FA2H: variants seen among roughly 807,000 people sequenced by gnomAD.
FA2H encodes the protein fatty acid alpha-hydroxylase.
A neutral mutation model predicts 44.9 loss-of-function variants in FA2H; 22 were observed. The ratio of observed to expected loss-of-function variants is 0.49; its 90% CI spans 0.35 to 0.70. FA2H has a LOEUF of 0.70. Among genes scored for constraint, FA2H ranks in the 30% least tolerant of loss-of-function variants. FA2H has a pLI of 0.01. For missense variants in FA2H, 501 were observed against 504.9 expected (o/e 0.99, Z 0.07); for synonymous variants, 243 against 213.2 (o/e 1.14, Z -1.22).
chr16:74,749,159 C>A (rs539264982), intron 1 of FA2H, among the ~76,000 whole-genome samples: 10 of 152,326 alleles, frequency 6.6e-5, no homozygotes, highest in Admixed American at 5.9e-4. Context: ...CAGTCCCCTT[C>A]GAGCTGGTTG....
chr16:74,743,432 G>T (rs949287271), intron 1 of FA2H, among the ~76,000 whole-genome samples: 1 of 152,218 alleles, frequency 6.6e-6, no homozygotes, highest in African/African-American at 2.4e-5. Context: ...TGAAGAAACC[G>T]GAGGAGTCCC....
chr16:74,740,620 A>AAATAATAATAATAAT (rs71378704), intron 1 of FA2H, among the ~76,000 whole-genome samples: 27 of 135,376 alleles, frequency 2.0e-4, no homozygotes, highest in East Asian at 8.7e-4. Context: ...CTCCATCTCA[A>AAATAATAATAATAAT]AATAATAATA....
chr16:74,729,633 G>A (rs1597548757), intron 2 of FA2H, among the ~76,000 whole-genome samples: 1 of 152,314 alleles, frequency 6.6e-6, no homozygotes, highest in Admixed American at 6.5e-5. Context: ...AAGCCCTTGA[G>A]GATTTCTGAC....
chr16:74,745,667 G>A (rs891122058), intron 1 of FA2H, among the ~76,000 whole-genome samples: 5 of 152,188 alleles, frequency 3.3e-5, no homozygotes, highest in Non-Finnish European at 7.3e-5. Flanking sequence ...CCACACAGGA[G>A]AGAAGCCTTT....
At chr16:74,731,669 C>T (rs1218141524) in intron 2 of FA2H, among the ~76,000 whole-genome samples, 4 of 151,238 alleles carry the variant, frequency 2.6e-5, no homozygotes, top group East Asian at 4.0e-4. Context: ...TACAGGTGGG[C>T]GCCACCACAC....
intron 1 of FA2H, among the ~76,000 whole-genome samples, chr16:74,760,991 C>G (rs1193311929): frequency 6.6e-6 from 1 of 152,080 alleles, no homozygotes; most frequent in Non-Finnish European, 1.5e-5. Context: ...TCAGGAAAGA[C>G]AGAGAATGGA....
intron 4 of FA2H, among the ~76,000 whole-genome samples, chr16:74,720,111 T>G (rs1035545068): frequency 4.3e-5 from 6 of 140,834 alleles, no homozygotes; most frequent in Admixed American, 2.2e-4. Flanking sequence ...TTCCTCCACC[T>G]CATTCATTCT....
At chr16:74,741,855 T>G (rs1962317101) in intron 1 of FA2H, among the ~76,000 whole-genome samples, 1 of 143,772 alleles carries the variant, frequency 7.0e-6, no homozygotes, top group Admixed American at 7.0e-5. Flanking sequence ...TGTATGTGTG[T>G]ATGTGTGTGT....
At chr16:74,755,938 C>T (rs1962603871) in intron 1 of FA2H, among the ~76,000 whole-genome samples, 1 of 152,268 alleles carries the variant, frequency 6.6e-6, no homozygotes, top group South Asian at 2.1e-4. Context: ...ACAGCCAATG[C>T]CCAAATCAAG....
chr16:74,738,847 C>T (rs758863723), intron 2 of FA2H, among the ~76,000 whole-genome samples: 6 of 152,246 alleles, frequency 3.9e-5, no homozygotes, highest in South Asian at 2.1e-4. Flanking sequence ...GCTGCATGGC[C>T]GGGCAGCCTT....
chr16:74,718,365 C>T (rs887450002), intron 5 of FA2H, among the ~76,000 whole-genome samples: 4 of 152,042 alleles, frequency 2.6e-5, no homozygotes, highest in African/African-American at 9.7e-5. Context: ...AGAGAAGCAG[C>T]GGGGGGTACA....
intron 1 of FA2H, among the ~76,000 whole-genome samples, chr16:74,749,288 G>A (rs991317271): frequency 4.6e-5 from 7 of 152,220 alleles, no homozygotes; most frequent in Admixed American, 4.6e-4. Flanking sequence ...CAGGAGCTGA[G>A]CTCTGGATGC....
intron 4 of FA2H, among the ~76,000 whole-genome samples, chr16:74,723,477 C>G (rs1027054599): frequency 6.6e-6 from 1 of 152,202 alleles, no homozygotes; most frequent in Admixed American, 6.5e-5. Flanking sequence ...TGGTTGTCCA[C>G]AGTCCCCACC....
At chr16:74,721,197 C>T (rs1176896876) in intron 4 of FA2H, among the ~76,000 whole-genome samples, 1 of 151,862 alleles carries the variant, frequency 6.6e-6, no homozygotes, top group Non-Finnish European at 1.5e-5. Context: ...GGCAGAGTTT[C>T]GCTCTTGTCA....
Position 74,727,289 on chromosome 16 carries a change from C to T in FA2H, c.461G>A (p.Arg154His), listed in dbSNP as rs1204169977. Residue 154 changes from arginine (R) to histidine (H), a missense_variant, in exon 3 of 7, where the codon CGC (arginine) becomes CAC (histidine). By Grantham distance (29) the Arg-to-His change is conservative. Transcript: ENST00000219368. ...WVHQPVTRPI[R>H]LFHSDLIEGL... ...CTCAATGAGGTCTGAGTGGAAGAGG[C>T]GGATGGGCCTGGTCACCGGCTGGTG... 5 of 1,614,132 alleles carry T rather than the reference C, an allele frequency of 3.1e-6. No homozygotes were observed. Among genetic ancestry groups the T allele is most frequent in the South Asian group, 2.2e-5 (2 of 91,084 alleles).
chr16:74,758,850 C>T (rs1431239472), intron 1 of FA2H, among the ~76,000 whole-genome samples: 1 of 152,254 alleles, frequency 6.6e-6, no homozygotes, highest in East Asian at 1.9e-4. Flanking sequence ...CTTCCCAGCC[C>T]TTTCAGCAGG....
rs1961629846 is a variant in FA2H, at chr16:74,713,803, AGGCAG to A, written c.*382_*386del. On this transcript the variant is annotated 3_prime_UTR_variant, in exon 7 of 7. Coordinates refer to ENST00000219368, the MANE Select transcript of FA2H (RefSeq NM_024306.5). ...ACTGTGAAAGCGAGCTGTGCCGTGC[AGGCAG>A]CTCCTAGGCAGCCCATGAGGCTAAG... is the stretch of plus-strand genomic sequence containing the variant. 1 of 226,102 alleles carries A rather than the reference AGGCAG, an allele frequency of 4.4e-6. No homozygotes were observed. Among genetic ancestry groups the A allele is most frequent in the South Asian group, 8.8e-5 (1 of 11,396 alleles). 14.0% of individuals were successfully genotyped at this position (226,102 alleles called of 1,614,324 possible). A position where few individuals can be genotyped will look rare whatever the true frequency, so the allele number is the denominator to read the frequency against.
At chr16:74,726,996 A>G (rs1961972793) in intron 3 of FA2H, among the ~76,000 whole-genome samples, 1 of 152,216 alleles carries the variant, frequency 6.6e-6, no homozygotes. Flanking sequence ...ACTCCTCATA[A>G]GAGTCTGGAA....
chr16:74,762,589 G>A (rs1266400269), intron 1 of FA2H, among the ~76,000 whole-genome samples: 2 of 152,286 alleles, frequency 1.3e-5, no homozygotes, highest in Non-Finnish European at 2.9e-5. Flanking sequence ...GGAGTGCAGT[G>A]GCACGATCTT....
Sources: gnomAD v4.1 joint callset for allele counts (sites outside exome capture counted in the v4.1 genomes callset) on GRCh38, gnomAD v4.1.1 for gene constraint, MANE v1.5 for transcripts, NCBI Gene and HGNC (gene_info 2026-07-23, HGNC 2026-07-21) for gene names.